PRKCB: variants seen among roughly 807,000 people sequenced by gnomAD.
PRKCB encodes protein kinase C beta.
In PRKCB, 13 loss-of-function variants were observed where a neutral mutation model predicts 81.5. That is an observed-to-expected ratio of 0.16 (90% confidence interval 0.10 to 0.25). The LOEUF is 0.25. Ranked by LOEUF, PRKCB falls within the 10% of genes least tolerant of loss-of-function variation. The pLI, the probability that PRKCB is intolerant of heterozygous loss-of-function variation, is 1.00. For synonymous variants in PRKCB, 335 were observed against 321.4 expected, an observed-to-expected ratio of 1.04 and a Z score of -0.45; for missense variants, 509 against 875.7, an observed-to-expected ratio of 0.58 and a Z score of 5.29.
intron 3 of PRKCB, among the ~76,000 whole-genome samples, chr16:24,008,580 C>G (rs1490529595): frequency 2.0e-5 from 3 of 152,166 alleles, no homozygotes; most frequent in Non-Finnish European, 4.4e-5. Context: ...AGAAGCCCTT[C>G]TTTGCTCCTT....
chr16:23,927,405 G>A (rs1003608224), intron 2 of PRKCB, among the ~76,000 whole-genome samples: 5 of 152,036 alleles, frequency 3.3e-5, no homozygotes, highest in African/African-American at 1.2e-4. Flanking sequence ...AGAAAAGGAA[G>A]TAAGGAACCC....
intron 3 of PRKCB, among the ~76,000 whole-genome samples, chr16:24,006,162 T>G (rs1428364277): frequency 6.6e-6 from 1 of 152,238 alleles, no homozygotes. Context: ...CACATAACAC[T>G]GCAGTCCATA....
intron 5 of PRKCB, among the ~76,000 whole-genome samples, chr16:24,080,843 C>G (rs1966240194): frequency 6.6e-6 from 1 of 151,912 alleles, no homozygotes; most frequent in South Asian, 2.1e-4. Flanking sequence ...TTAAAAAGTG[C>G]TTAAAAGGAA....
rs554658577 is a variant in PRKCB at position 24,217,039 on chromosome 16, C to T, written c.*2223C>T. ...CCATGGAGAAACACTAGGCCATTGA[C>T]AAATGATCTGAGACAACTTTAGAAA... On this transcript the variant is annotated 3_prime_UTR_variant, in exon 17 of 17. Coordinates refer to ENST00000643927, the MANE Select transcript of PRKCB (RefSeq NM_002738.7). 16 of 980,716 alleles carry T rather than the reference C, an allele frequency of 1.6e-5. No homozygotes were observed. The African/African-American group carries it at 2.3e-4, about 14-fold the overall frequency. 60.8% of individuals were successfully genotyped at this position (980,716 alleles called of 1,614,324 possible).
chr16:24,121,365 A>G (rs1966796546), intron 8 of PRKCB, among the ~76,000 whole-genome samples: 1 of 152,110 alleles, frequency 6.6e-6, no homozygotes, highest in Non-Finnish European at 1.5e-5. Flanking sequence ...GTACTCAACA[A>G]GAATTTTTGA....
At chr16:24,130,246 G>A (rs1966851433) in intron 9 of PRKCB, among the ~76,000 whole-genome samples, 1 of 151,992 alleles carries the variant, frequency 6.6e-6, no homozygotes, top group African/African-American at 2.4e-5. Flanking sequence ...ATGCAGTGGA[G>A]GTATACACAT....
At chr16:23,928,863 C>T (rs187316232) in intron 2 of PRKCB, among the ~76,000 whole-genome samples, 17 of 151,992 alleles carry the variant, frequency 1.1e-4, no homozygotes, top group Admixed American at 9.2e-4. Flanking sequence ...GGATTACAGG[C>T]GCCCACAACC....
At chr16:23,861,416 C>A (rs1368839063) in intron 2 of PRKCB, among the ~76,000 whole-genome samples, 1 of 152,136 alleles carries the variant, frequency 6.6e-6, no homozygotes, top group Non-Finnish European at 1.5e-5. Flanking sequence ...ATCCTCACAC[C>A]TCCGCCTCCT....
At position 24,163,235 on chromosome 16, in the gene PRKCB, G is replaced by A. The variant is rs144821133; in HGVS notation, c.1239+8378G>A. On this transcript the variant is annotated intron_variant, in intron 10 of 16. Coordinates refer to ENST00000643927, the MANE Select transcript of PRKCB (RefSeq NM_002738.7). The stretch of plus-strand genomic sequence containing the variant: ...AATTGGTGCTCATGCCAGGTGAGAG[G>A]CACCATCTTGAGTCCAAGGAGACTA... Among the ~76,000 whole-genome samples the A allele has an allele frequency of 2.0e-5, 3 of 152,318 alleles. No individual in the cohort carries two copies. The East Asian group carries it at 5.8e-4, about 29-fold the overall frequency.
At chr16:24,081,404 AGAAGG>A (rs1966247845) in intron 5 of PRKCB, among the ~76,000 whole-genome samples, 1 of 152,222 alleles carries the variant, frequency 6.6e-6, no homozygotes, top group Admixed American at 6.5e-5. Flanking sequence ...CACTAGAAAT[AGAAGG>A]GAACTTTCTT....
chr16:23,962,236 G>A (rs1034937734), intron 2 of PRKCB, among the ~76,000 whole-genome samples: 1 of 152,046 alleles, frequency 6.6e-6, no homozygotes, highest in African/African-American at 2.4e-5. Flanking sequence ...ATGCAGACCT[G>A]AAACTCAGTG....
chr16:24,052,893 AG>A (rs1965860260), intron 5 of PRKCB, among the ~76,000 whole-genome samples: 1 of 152,194 alleles, frequency 6.6e-6, no homozygotes, highest in Non-Finnish European at 1.5e-5. Flanking sequence ...GCAGCCCAGT[AG>A]GTCTCAGCCT....
chr16:24,058,482 G>C (rs1228052355), intron 5 of PRKCB, among the ~76,000 whole-genome samples: 1 of 152,090 alleles, frequency 6.6e-6, no homozygotes, highest in East Asian at 1.9e-4. Context: ...AGTGAACCTT[G>C]AAAGTTACCA....
intron 5 of PRKCB, among the ~76,000 whole-genome samples, chr16:24,061,825 G>T (rs1965975829): frequency 6.7e-6 from 1 of 149,194 alleles, no homozygotes; most frequent in Non-Finnish European, 1.5e-5. Flanking sequence ...AAAAGAAAAG[G>T]AAAGGAAGCC....
chr16:24,063,126 T>C (rs1348418030), intron 5 of PRKCB, among the ~76,000 whole-genome samples: 2 of 152,106 alleles, frequency 1.3e-5, no homozygotes, highest in Non-Finnish European at 2.9e-5. Context: ...CTTTGGCCTC[T>C]TCAGGCCTAG....
At chr16:23,958,560 C>T (rs1183290304) in intron 2 of PRKCB, among the ~76,000 whole-genome samples, 3 of 152,076 alleles carry the variant, frequency 2.0e-5, no homozygotes, top group African/African-American at 7.2e-5. Context: ...ACCTCGGCCT[C>T]CCAATGTGCT....
At chr16:23,907,738 G>A (rs1597239594) in intron 2 of PRKCB, among the ~76,000 whole-genome samples, 1 of 152,272 alleles carries the variant, frequency 6.6e-6, no homozygotes, top group South Asian at 2.1e-4. Context: ...GGGAAAGGGT[G>A]GAACCATACC....
intron 2 of PRKCB, among the ~76,000 whole-genome samples, chr16:23,849,692 T>A (rs914348751): frequency 3.3e-5 from 5 of 152,114 alleles, no homozygotes; most frequent in South Asian, 2.1e-4. Context: ...CTAGCTTTTT[T>A]TAAAAAAACT....
At chr16:24,111,016 A>T (rs552761431) in intron 7 of PRKCB, 1 of 152,352 alleles carries the variant, frequency 6.6e-6, no homozygotes, top group African/African-American at 2.4e-5. Context: ...ATCTGAATGG[A>T]TAAAGTTAAA....
Sources: gnomAD v4.1 joint callset for allele counts (sites outside exome capture counted in the v4.1 genomes callset) on GRCh38, gnomAD v4.1.1 for gene constraint, MANE v1.5 for transcripts, NCBI Gene and HGNC (gene_info 2026-07-23, HGNC 2026-07-21) for gene names.